Variants in SGCD observed in about 807,000 individuals in gnomAD.
SGCD encodes delta-sarcoglycan.
Under a neutral mutation model 36.6 loss-of-function variants are expected in SGCD, and 18 were observed. The ratio of observed to expected loss-of-function variants is 0.49; its 90% CI spans 0.34 to 0.73. SGCD has a LOEUF of 0.73. Ranked by LOEUF, SGCD falls within the 30% of genes least tolerant of loss-of-function variation. The pLI is 0.01. For missense variants in SGCD, 387 were observed against 346.7 expected (o/e 1.12, Z -0.92); for synonymous variants, 133 against 130.6 (o/e 1.02, Z -0.12).
chr5:156,540,368 C>T (rs973306966), intron 4 of SGCD, among the ~76,000 whole-genome samples: 1 of 152,034 alleles, frequency 6.6e-6, no homozygotes, highest in Non-Finnish European at 1.5e-5. Context: ...AGTAAAATTA[C>T]TCTCTGGGGC....
chr5:156,463,836 A>G (rs888588983), intron 3 of SGCD, among the ~76,000 whole-genome samples: 5 of 152,086 alleles, frequency 3.3e-5, no homozygotes, highest in African/African-American at 1.2e-4. Flanking sequence ...ATCTCAAAAA[A>G]TCAAAAAAAT....
At chr5:156,643,588 G>C (rs112114114) in intron 6 of SGCD, among the ~76,000 whole-genome samples, 7 of 152,014 alleles carry the variant, frequency 4.6e-5, no homozygotes, top group Admixed American at 1.3e-4. Flanking sequence ...CCCAAATGGA[G>C]AAATAATACT....
the SGCD span, among the ~76,000 whole-genome samples, chr5:155,738,812 AGTGT>A: frequency 7.0e-6 from 1 of 143,294 alleles, no homozygotes; most frequent in African/African-American, 2.7e-5. Flanking sequence ...TGTGTAAGAG[AGTGT>A]GTGAGAGTGT....
At position 155,993,340 on chromosome 5, in the gene SGCD, T is replaced by TA. The variant is rs1356314775; in HGVS notation, c.-282+122916_-282+122917insA. The stretch of plus-strand genomic sequence containing the variant: ...TTATTAATACAAATCTGGGGTCCTT[T>TA]TTTTTTTTTTTTTTTTTTGAGACAG... On this transcript the variant is annotated intron_variant, in intron 1 of 9. Transcript: ENST00000517913. Among the ~76,000 whole-genome samples the TA allele has an allele frequency of 2.1e-5, 3 of 141,220 alleles. No homozygotes were observed. In the East Asian group the frequency reaches 6.0e-4, roughly 28 times the overall value. 92.6% of individuals were successfully genotyped at this position (141,220 alleles called of 152,430 possible).
intron 3 of SGCD, among the ~76,000 whole-genome samples, chr5:156,282,621 T>C (rs574948346): frequency 6.6e-6 from 1 of 152,324 alleles, no homozygotes; most frequent in East Asian, 1.9e-4. Context: ...TATGGTTGGA[T>C]GCTATTAGAT....
chr5:156,655,229 G>A (rs1277728567), intron 7 of SGCD, among the ~76,000 whole-genome samples: 1 of 152,140 alleles, frequency 6.6e-6, no homozygotes, highest in Non-Finnish European at 1.5e-5. Context: ...TCAAACATGA[G>A]AAAATTACAT....
chr5:156,318,197 A>T (rs1767568521), intron 3 of SGCD, among the ~76,000 whole-genome samples: 1 of 152,248 alleles, frequency 6.6e-6, no homozygotes, highest in Admixed American at 6.5e-5. Context: ...GAGAAATAGT[A>T]TCACATGCAT....
intron 3 of SGCD, among the ~76,000 whole-genome samples, chr5:156,492,367 C>T (rs578162939): frequency 3.8e-4 from 58 of 152,192 alleles, no homozygotes; most frequent in African/African-American, 1.3e-3. Flanking sequence ...CATCTGCAAT[C>T]TGCAACCTGG....
chr5:155,944,538 G>T (rs991105939), intron 1 of SGCD, among the ~76,000 whole-genome samples: 33 of 152,302 alleles, frequency 2.2e-4, no homozygotes, highest in Non-Finnish European at 4.0e-4. Flanking sequence ...AAAGTATAGA[G>T]TTGAGAACAG....
At chr5:156,652,608 C>G (rs1461398879) in intron 7 of SGCD, among the ~76,000 whole-genome samples, 2 of 152,118 alleles carry the variant, frequency 1.3e-5, no homozygotes, top group African/African-American at 2.4e-5. Flanking sequence ...GCGGCAAAGA[C>G]TTCAGTACTG....
chr5:155,975,609 C>CCTTTTTTTTTTTTT (rs1758096365), intron 1 of SGCD, among the ~76,000 whole-genome samples: 2 of 28,008 alleles, frequency 7.1e-5, no homozygotes, highest in African/African-American at 1.3e-4. Context: ...TCTTTCTTTC[C>CCTTTTTTTTTTTTT]TTTTTTTTTT....
the SGCD span, among the ~76,000 whole-genome samples, chr5:155,822,022 C>A: frequency 2.0e-5 from 3 of 152,182 alleles, no homozygotes; most frequent in African/African-American, 7.2e-5. Context: ...TAAACTTCAT[C>A]ATACACTAAT....
chr5:156,552,416 C>T (rs887185069), intron 4 of SGCD, among the ~76,000 whole-genome samples: 38 of 152,174 alleles, frequency 2.5e-4, no homozygotes, highest in Non-Finnish European at 5.0e-4. Context: ...GTGGAGATAC[C>T]ATGGTTCATG....
intron 7 of SGCD, among the ~76,000 whole-genome samples, chr5:156,731,770 G>A (rs967544373): frequency 6.6e-6 from 1 of 152,114 alleles, no homozygotes; most frequent in African/African-American, 2.4e-5. Context: ...TGGGCAGTAT[G>A]GCTATTTTCA....
intron 4 of SGCD, among the ~76,000 whole-genome samples, chr5:156,512,076 C>A (rs762195729): frequency 6.6e-6 from 1 of 151,644 alleles, no homozygotes; most frequent in Non-Finnish European, 1.5e-5. Context: ...CAGCTGTAAT[C>A]CCAGCTATTC....
At chr5:156,165,666 C>T (rs570002431) in intron 3 of SGCD, among the ~76,000 whole-genome samples, 2 of 152,114 alleles carry the variant, frequency 1.3e-5, no homozygotes, top group African/African-American at 4.8e-5. Flanking sequence ...ACAGTTGCCT[C>T]GGGCTTTTGC....
intron 7 of SGCD, among the ~76,000 whole-genome samples, chr5:156,656,476 C>T (rs1581345459): frequency 6.6e-6 from 1 of 152,164 alleles, no homozygotes; most frequent in African/African-American, 2.4e-5. Flanking sequence ...ACAAATAGGT[C>T]TTATAATTCA....
intron 3 of SGCD, among the ~76,000 whole-genome samples, chr5:156,153,251 T>C (rs1368526277): frequency 6.7e-6 from 1 of 149,674 alleles, no homozygotes; most frequent in African/African-American, 2.6e-5. Flanking sequence ...GTAAAAAATG[T>C]TGTTTTTTTT....
At chr5:155,793,075 A>G in the SGCD span, among the ~76,000 whole-genome samples, 1 of 152,220 alleles carries the variant, frequency 6.6e-6, no homozygotes, top group Admixed American at 6.5e-5. Flanking sequence ...TGCAGCCATG[A>G]AAAAGAAATG....
Sources: allele counts gnomAD v4.1 joint callset (sites outside exome capture counted in the v4.1 genomes callset), GRCh38; gene constraint gnomAD v4.1.1; transcripts MANE v1.5; gene names NCBI Gene and HGNC (gene_info 2026-07-23, HGNC 2026-07-21).